DNAH8: variants seen among roughly 807,000 people sequenced by gnomAD.
DNAH8 encodes dynein axonemal heavy chain 8, also known as axonemal beta dynein heavy chain 8.
In DNAH8, 382 loss-of-function variants were observed where a neutral mutation model predicts 562.1. The ratio of observed to expected loss-of-function variants is 0.68; its 90% confidence interval spans 0.63 to 0.74. The LOEUF is 0.74. DNAH8 is among the 30% of genes least tolerant of loss of function. The pLI is 0.00. For synonymous variants in DNAH8, 1,881 were observed against 1,919.4 expected, an observed-to-expected ratio of 0.98 and a Z score of 0.52; for missense variants, 5,203 against 5,620.4, an observed-to-expected ratio of 0.93 and a Z score of 2.37.
chr6:38,873,150 G>C lies in DNAH8; in HGVS notation c.7479+3G>C. 6.2e-7 allele frequency: 1 copy of C among 1,613,304 alleles called. No homozygotes were observed. The highest frequency in any genetic ancestry group is 8.5e-7 in the Non-Finnish European group (1 of 1,179,948). ...TCAGCTGGAGGCCAATCTTACAGGT[G>C]GGGCAGAGAGATGGGAAGAAGAACC... On this transcript the variant is annotated splice_donor_region_variant and intron_variant, in intron 51 of 92. Coordinates refer to ENST00000327475, the MANE Select transcript of DNAH8 (RefSeq NM_001206927.2).
intron 74 of DNAH8, among the ~76,000 whole-genome samples, chr6:38,929,060 G>A (rs1011858541): frequency 6.6e-6 from 1 of 152,094 alleles, no homozygotes; most frequent in African/African-American, 2.4e-5. Context: ...CCCTCAGTGC[G>A]ACTCAATATA....
chr6:38,828,118 G>A, intron 29 of DNAH8, 66 bp from the exon 30 acceptor site: 1 of 962,490 alleles, frequency 1.0e-6, no homozygotes, highest in East Asian at 2.6e-5. Context: ...GTTTCTAGAA[G>A]GCGTCTAAAT....
At chr6:38,748,715 C>T (rs1765165272) in intron 8 of DNAH8, among the ~76,000 whole-genome samples, 2 of 150,442 alleles carry the variant, frequency 1.3e-5, no homozygotes, top group South Asian at 2.1e-4. Context: ...GATCGTGCCA[C>T]TGCACTCCAG....
chr6:38,762,333 T>C (rs1766599249), intron 11 of DNAH8, among the ~76,000 whole-genome samples: 1 of 152,236 alleles, frequency 6.6e-6, no homozygotes, highest in Non-Finnish European at 1.5e-5. Context: ...GAGATGCTTA[T>C]AGAATTTTGC....
Position 38,734,455 on chromosome 6 carries a change from T to C in DNAH8, c.611-19T>C, listed in dbSNP as rs777660511. On this transcript the variant is annotated intron_variant, in intron 4 of 92. Transcript: ENST00000327475. ...TTAGTTGTGTGATTATACGCTAAGT[T>C]CTTGACTTTTGTTTTCAGAATGTGG... is the stretch of plus-strand genomic sequence containing the variant. 11 of 1,612,944 alleles carry C rather than the reference T, an allele frequency of 6.8e-6. No individual in the cohort carries two copies. Among genetic ancestry groups the C allele is most frequent in the Non-Finnish European group, 1.7e-6 (2 of 1,179,678 alleles).
Position 38,875,845 on chromosome 6 carries a change from ATACCT to A in DNAH8, c.7858+20_7858+24del. 7.3e-6 allele frequency: 11 copies of A among 1,513,788 alleles called. No individual in the cohort carries two copies. The highest frequency in any genetic ancestry group is 1.0e-5 in the Non-Finnish European group (11 of 1,096,616). 93.8% of individuals were successfully genotyped at this position (1,513,788 alleles called of 1,614,324 possible). A position where few individuals can be genotyped will look rare whatever the true frequency, so the allele number is the denominator to read the frequency against. On this transcript the variant is annotated intron_variant, in intron 53 of 92. Coordinates refer to ENST00000327475, the MANE Select transcript of DNAH8 (RefSeq NM_001206927.2). ...CTGATTATGGTAAGCCCACTGAACT[ATACCT>A]TAAATGAAATGACTTTTTTCAAATG...
chr6:38,858,333 T>C (rs974364405), intron 42 of DNAH8, among the ~76,000 whole-genome samples: 1 of 152,224 alleles, frequency 6.6e-6, no homozygotes, highest in Non-Finnish European at 1.5e-5. Flanking sequence ...ATTTGATACA[T>C]TTTAAAGGTA....
In DNAH8 at chr6:38,779,231, T is replaced by C. The variant is rs113933322; in HGVS notation, c.2040-735T>C. Among the ~76,000 whole-genome samples the C allele has an allele frequency of 1.3e-3, 199 of 152,262 alleles. 1 individual carries two copies. The highest frequency in any genetic ancestry group is 4.3e-3 in the African/African-American group (178 of 41,560). Reference sequence around the variant, plus strand: ...TAGTGTTGGGTCTGGCTTTGCATGGTTCCACGGCTGTAATGATGGAGACCT... The same window carrying C: ...TAGTGTTGGGTCTGGCTTTGCATGGCTCCACGGCTGTAATGATGGAGACCT... On this transcript the variant is annotated intron_variant, in intron 14 of 92. Coordinates refer to ENST00000327475, the MANE Select transcript of DNAH8 (RefSeq NM_001206927.2).
chr6:38,982,912 T>G (rs553845724), intron 86 of DNAH8, among the ~76,000 whole-genome samples: 123 of 152,312 alleles, frequency 8.1e-4, no homozygotes, highest in Middle Eastern at 6.8e-3. Context: ...CATATGACAC[T>G]TTGCAGTTTT....
At position 38,821,189 on chromosome 6, in the gene DNAH8, A is replaced by G. The variant is rs1057414768; in HGVS notation, c.3524-1649A>G. ...CAGGATTAATATACAGATATCAACTATATTTCTAAATATTAGCAATGAACC... is the reference window on the plus strand; with the variant it reads ...CAGGATTAATATACAGATATCAACTGTATTTCTAAATATTAGCAATGAACC... On this transcript the variant is annotated intron_variant, in intron 26 of 92. Transcript: ENST00000327475. 7.9e-5 allele frequency among the ~76,000 whole-genome samples: 12 copies of G among 152,216 alleles called. No individual in the cohort carries two copies. In the East Asian group the frequency reaches 1.5e-3, roughly 20 times the overall value.
chr6:38,742,934 T>A (rs973532084), intron 8 of DNAH8, among the ~76,000 whole-genome samples: 1 of 151,830 alleles, frequency 6.6e-6, no homozygotes, highest in Non-Finnish European at 1.5e-5. Flanking sequence ...CCCCTGATAG[T>A]ATATCTTGGA....
At chr6:38,838,170 C>T in intron 33 of DNAH8, 128 bp downstream of exon 33, 1 of 595,976 alleles carries the variant, frequency 1.7e-6, no homozygotes, top group Non-Finnish European at 2.9e-6. Context: ...TGAATATTCT[C>T]CTTATTCCAG....
At chr6:38,872,210 G>A (rs1213550984) in intron 49 of DNAH8, among the ~76,000 whole-genome samples, 1 of 152,172 alleles carries the variant, frequency 6.6e-6, no homozygotes, top group African/African-American at 2.4e-5. Context: ...GAGAAAGTTT[G>A]CGCATGGAAC....
intron 91 of DNAH8, among the ~76,000 whole-genome samples, chr6:39,020,077 C>T (rs770704595): frequency 6.6e-6 from 1 of 152,132 alleles, no homozygotes; most frequent in Non-Finnish European, 1.5e-5. Flanking sequence ...TAAACTAGCT[C>T]AAGGAAAAGA....
At chr6:38,792,862 T>A (rs9380776) in intron 21 of DNAH8, among the ~76,000 whole-genome samples, 1 of 151,934 alleles carries the variant, frequency 6.6e-6, no homozygotes, top group Non-Finnish European at 1.5e-5. Context: ...CACTGGAGCC[T>A]TGACCTCCTG....
In DNAH8 at chr6:38,737,900, T is replaced by C; in HGVS notation, c.1044T>C (p.Ala348=). The change falls in exon 7 of 93, where the codon GCT becomes GCC. Residue 348 remains alanine (A), a synonymous_variant. Coordinates refer to ENST00000327475, the MANE Select transcript of DNAH8 (RefSeq NM_001206927.2). ...TGCACACCTTTGAAGAAGTAACTGCTGCAGCCAGCAACTCAGAAACTGTTC... is the reference window on the plus strand; with the variant it reads ...TGCACACCTTTGAAGAAGTAACTGCCGCAGCCAGCAACTCAGAAACTGTTC... ...SKLHTFEEVT[A]AASNSETVHQ... is the part of the protein sequence containing the mutation. 1 of 1,607,056 alleles carries C rather than the reference T, an allele frequency of 6.2e-7. No homozygotes were observed. Among genetic ancestry groups the C allele is most frequent in the African/African-American group, 1.3e-5 (1 of 74,426 alleles).
chr6:38,962,918 T>A (rs964067466), intron 82 of DNAH8, among the ~76,000 whole-genome samples: 3 of 152,186 alleles, frequency 2.0e-5, no homozygotes, highest in Non-Finnish European at 2.9e-5. Context: ...AAGTGGGAAC[T>A]AAGCTATGAG....
intron 58 of DNAH8, among the ~76,000 whole-genome samples, chr6:38,892,062 C>T (rs1779373804): frequency 6.6e-6 from 1 of 152,150 alleles, no homozygotes; most frequent in Admixed American, 6.5e-5. Context: ...CTTCACTTGG[C>T]TTCAGAGGGT....
intron 63 of DNAH8, among the ~76,000 whole-genome samples, chr6:38,907,257 C>A (rs1025466675): frequency 1.3e-5 from 2 of 152,180 alleles, no homozygotes; most frequent in Admixed American, 6.5e-5. Context: ...CCTCTCCATC[C>A]AGTATGAAGG....
Sources: gnomAD v4.1 joint callset for allele counts (sites outside exome capture counted in the v4.1 genomes callset) on GRCh38, gnomAD v4.1.1 for gene constraint, MANE v1.5 for transcripts, NCBI Gene and HGNC (gene_info 2026-07-23, HGNC 2026-07-21) for gene names.